Variants in GTF2F2 observed in about 807,000 individuals in gnomAD.
GTF2F2 encodes the protein ATP-dependent helicase GTF2F2.
Under a neutral mutation model 42.2 loss-of-function variants are expected in GTF2F2, and 23 were observed. The observed-to-expected ratio is 0.55, with a 90% confidence interval of 0.39 to 0.77. The LOEUF (loss-of-function observed/expected upper bound fraction) is 0.77. Among genes scored for constraint, GTF2F2 ranks in the 30% least tolerant of loss-of-function variants. The pLI is 0.00. For missense variants in GTF2F2, 261 were observed against 287.2 expected, an observed-to-expected ratio of 0.91 and a Z score of 0.66; for synonymous variants, 105 against 100.8, an observed-to-expected ratio of 1.04 and a Z score of -0.25.
intron 7 of GTF2F2, among the ~76,000 whole-genome samples, chr13:45,277,815 A>G (rs1755251791): frequency 6.6e-6 from 1 of 152,308 alleles, no homozygotes; most frequent in South Asian, 2.1e-4. Flanking sequence ...TAAAAAGCAT[A>G]TAGTGCATTT....
chr13:45,170,371 A>G (rs1451084776), intron 4 of GTF2F2, among the ~76,000 whole-genome samples: 3 of 152,222 alleles, frequency 2.0e-5, no homozygotes, highest in East Asian at 1.9e-4. Flanking sequence ...ATGGGCTCCA[A>G]TTAATTTTTC....
At chr13:45,129,368 C>G (rs1869217107) in intron 1 of GTF2F2, among the ~76,000 whole-genome samples, 1 of 152,108 alleles carries the variant, frequency 6.6e-6, no homozygotes, top group African/African-American at 2.4e-5. Context: ...CACCACCATG[C>G]CTGGCTAATT....
At chr13:45,270,319 C>T (rs1227553737) in intron 7 of GTF2F2, among the ~76,000 whole-genome samples, 1 of 152,116 alleles carries the variant, frequency 6.6e-6, no homozygotes, top group Non-Finnish European at 1.5e-5. Flanking sequence ...GATATATTAT[C>T]TTAGTCTGTT....
At chr13:45,253,824 C>A (rs1008381838) in intron 6 of GTF2F2, among the ~76,000 whole-genome samples, 2 of 152,066 alleles carry the variant, frequency 1.3e-5, no homozygotes, top group Non-Finnish European at 2.9e-5. Context: ...GCCTGTAATC[C>A]CAGCACTTTG....
intron 4 of GTF2F2, among the ~76,000 whole-genome samples, chr13:45,155,351 CT>C (rs971459785): frequency 3.3e-5 from 5 of 152,116 alleles, no homozygotes; most frequent in African/African-American, 9.7e-5. Flanking sequence ...CTTTTCTAGG[CT>C]CTTTGTTTCT....
chr13:45,224,115 G>A (rs1453491011), intron 5 of GTF2F2, among the ~76,000 whole-genome samples: 1 of 151,914 alleles, frequency 6.6e-6, no homozygotes, highest in Non-Finnish European at 1.5e-5. Context: ...TTGATTATAT[G>A]GCAAATGCCT....
chr13:45,254,573 A>G (rs2138250004), intron 6 of GTF2F2, among the ~76,000 whole-genome samples: 1 of 152,322 alleles, frequency 6.6e-6, no homozygotes, highest in South Asian at 2.1e-4. Flanking sequence ...TAACAGGCAG[A>G]GAGACTGGCT....
intron 7 of GTF2F2, among the ~76,000 whole-genome samples, chr13:45,278,150 C>T (rs946087709): frequency 6.6e-6 from 1 of 152,030 alleles, no homozygotes; most frequent in Non-Finnish European, 1.5e-5. Flanking sequence ...GGTGGAGGGA[C>T]GGAAGGAAGG....
chr13:45,227,774 G>A (rs866524334), intron 5 of GTF2F2, among the ~76,000 whole-genome samples: 9 of 152,176 alleles, frequency 5.9e-5, no homozygotes, highest in Non-Finnish European at 4.4e-5. Flanking sequence ...CCATGCTGGT[G>A]CTCACTTTTT....
In GTF2F2 at chr13:45,249,379, TA is replaced by T. The variant is rs5803289; in HGVS notation, c.387-3482del. 2.6e-4 allele frequency among the ~76,000 whole-genome samples: 40 copies of T among 151,240 alleles called. No individual in the cohort carries two copies. The South Asian group carries it at 3.8e-3, about 14-fold the overall frequency. On this transcript the variant is annotated intron_variant, in intron 5 of 7. Transcript: ENST00000340473. ...TAAATTTTTAAAATGAGTTTATTTT[TA>T]AAAAAAAAATCAGTGTTTTCCTTTA...
chr13:45,220,977 GTATA>G (rs1237673083), intron 5 of GTF2F2: 1 of 151,644 alleles, frequency 6.6e-6, no homozygotes, highest in African/African-American at 2.4e-5. Flanking sequence ...GTCTGTGTGT[GTATA>G]TATATAGAGA....
chr13:45,158,998 A>G (rs1341402962), intron 4 of GTF2F2, among the ~76,000 whole-genome samples: 7 of 152,184 alleles, frequency 4.6e-5, no homozygotes, highest in African/African-American at 1.7e-4. Flanking sequence ...AGAATCGAAT[A>G]TTCCTCACTT....
At chr13:45,256,658 G>A (rs1177951420) in intron 6 of GTF2F2, among the ~76,000 whole-genome samples, 2 of 152,080 alleles carry the variant, frequency 1.3e-5, no homozygotes, top group South Asian at 2.1e-4. Context: ...CAGTATTGTA[G>A]TGTAATACCA....
rs1259085904 is a variant in GTF2F2, at chr13:45,272,437, AAAAC to A, written c.630+5065_630+5068del. 1.9e-3 allele frequency among the ~76,000 whole-genome samples: 260 copies of A among 138,682 alleles called. 2 individuals are homozygous for A. The highest frequency in any genetic ancestry group is 7.4e-3 in the African/African-American group (246 of 33,040). 91.0% of individuals were successfully genotyped at this position (138,682 alleles called of 152,430 possible). A position where few individuals can be genotyped will look rare whatever the true frequency, so the allele number is the denominator to read the frequency against. Reference sequence around the variant, plus strand: ...GTTTTGGCTCTTTAAAAAAAAAAAAAAAACAAAAAAAAAAAACAGGGTCTGAACA... The same window carrying A: ...GTTTTGGCTCTTTAAAAAAAAAAAAAAAAAAAAAAAAACAGGGTCTGAACA... On this transcript the variant is annotated intron_variant, in intron 7 of 7. Coordinates refer to ENST00000340473, the MANE Select transcript of GTF2F2 (RefSeq NM_004128.3).
chr13:45,193,447 G>A (rs1872733706), intron 4 of GTF2F2: 2 of 193,922 alleles, frequency 1.0e-5, no homozygotes, highest in Middle Eastern at 1.9e-3. Flanking sequence ...ATGAACGATA[G>A]ATAATGTACA....
chr13:45,183,620 T>A (rs1461900468), intron 4 of GTF2F2, among the ~76,000 whole-genome samples: 1 of 152,146 alleles, frequency 6.6e-6, no homozygotes, highest in Non-Finnish European at 1.5e-5. Flanking sequence ...GTGTAGTTGC[T>A]ACCCTTAATT....
intron 1 of GTF2F2, among the ~76,000 whole-genome samples, chr13:45,127,559 A>G (rs1368789966): frequency 6.8e-6 from 1 of 146,848 alleles, no homozygotes; most frequent in Non-Finnish European, 1.5e-5. Context: ...AAATTCCTGG[A>G]CTCAAGCAGT....
chr13:45,223,301 T>C (rs948324015), intron 5 of GTF2F2, among the ~76,000 whole-genome samples: 1 of 145,284 alleles, frequency 6.9e-6, no homozygotes, highest in Non-Finnish European at 1.5e-5. Context: ...ATTTTTATAA[T>C]CCAAAATGAT....
At chr13:45,169,316 G>A (rs569382271) in intron 4 of GTF2F2, among the ~76,000 whole-genome samples, 1 of 152,234 alleles carries the variant, frequency 6.6e-6, no homozygotes, top group South Asian at 2.1e-4. Flanking sequence ...GGAGAGACTG[G>A]GGTTGCACAT....
Sources: gnomAD v4.1 joint callset for allele counts (sites outside exome capture counted in the v4.1 genomes callset) on GRCh38, gnomAD v4.1.1 for gene constraint, MANE v1.5 for transcripts, NCBI Gene and HGNC (gene_info 2026-07-23, HGNC 2026-07-21) for gene names.